The following SPTA1 variants were observed in gnomAD, a reference collection of about 807,000 sequenced individuals.
The protein encoded by SPTA1 is spectrin alpha chain, erythrocytic 1.
In SPTA1, 177 loss-of-function variants were observed where a neutral mutation model predicts 324.7. The observed-to-expected ratio is 0.55, with a 90% CI of 0.48 to 0.62. The LOEUF (loss-of-function observed/expected upper bound fraction) is 0.62. Among genes scored for constraint, SPTA1 ranks in the 20% least tolerant of loss-of-function variants. The probability of loss-of-function intolerance (pLI) is 0.00; values close to 1 mark genes in which losing one functional copy is unlikely to be tolerated. For synonymous variants in SPTA1, 1,195 were observed against 1,041.3 expected, an observed-to-expected ratio of 1.15 and a Z score of -2.84; for missense variants, 3,162 against 2,883.6, an observed-to-expected ratio of 1.10 and a Z score of -2.21.
At chr1:158,678,317 C>G in intron 6 of SPTA1, 84 bp downstream of exon 6, 2 of 1,577,292 alleles carry the variant, frequency 1.3e-6, no homozygotes, top group Non-Finnish European at 1.7e-6. Context: ...TAATTGCTAA[C>G]AGAAGTAGAA....
chr1:158,627,007 C>T lies in SPTA1; in HGVS notation c.5665G>A (p.Val1889Met), dbSNP rs1313016769. 4 of 1,613,678 alleles carry T rather than the reference C, an allele frequency of 2.5e-6. No homozygotes were observed. In the East Asian group the frequency reaches 8.9e-5, roughly 36 times the overall value. Reference sequence around the variant, plus strand: ...TTGTTCTGACTTTCCTCCTGCAACACCTGTGAGAAGGGGAGAGACAAATAT... The same window carrying T: ...TTGTTCTGACTTTCCTCCTGCAACATCTGTGAGAAGGGGAGAGACAAATAT... ...CAQGEDILNKVLQEESQNKEI... is the reference protein window; with the variant it reads ...CAQGEDILNKMLQEESQNKEI... Residue 1889 changes from valine (V) to methionine (M), a missense_variant and splice_region_variant, in exon 41 of 52, where the codon GTG (valine) becomes ATG (methionine). Coordinates refer to ENST00000643759, the MANE Select transcript of SPTA1 (RefSeq NM_003126.4).
In SPTA1 at chr1:158,676,178, C is replaced by T. The variant is rs1214288376; in HGVS notation, c.1075G>A (p.Ala359Thr). Reference protein sequence around the residue: ...VSSWEHIRALATSRYEKLQAT... With the variant: ...VSSWEHIRALTTSRYEKLQAT... ...TGCAGTTTTTCATATCTGCTGGTGGCCAGGGCACGAATATGCTCCCAGCTG... is the reference window on the plus strand; with the variant it reads ...TGCAGTTTTTCATATCTGCTGGTGGTCAGGGCACGAATATGCTCCCAGCTG... The change falls in exon 8 of 52, where the codon GCC (alanine) becomes ACC (threonine). Residue 359 changes from alanine (A) to threonine (T), a missense_variant. Transcript: ENST00000643759. The T allele has an allele frequency of 6.2e-7, 1 of 1,613,644 alleles. No homozygotes were observed. Among genetic ancestry groups the T allele is most frequent in the South Asian group, 1.1e-5 (1 of 91,064 alleles).
At chr1:158,627,602 C>T (rs367856162) in intron 40 of SPTA1, 23 bp downstream of exon 40, 388 of 1,610,446 alleles carry the variant, frequency 2.4e-4, no homozygotes, top group Non-Finnish European at 3.1e-4. Flanking sequence ...GAAGTTTGAG[C>T]TGGAATTCCT....
chr1:158,619,988 G>A (rs971856229), intron 44 of SPTA1, among the ~76,000 whole-genome samples, 182 bp downstream of exon 44: 3 of 152,010 alleles, frequency 2.0e-5, no homozygotes, highest in Non-Finnish European at 4.4e-5. Context: ...CAAATTATGG[G>A]GCATAGGGTA....
chr1:158,611,326 C>A lies in SPTA1; in HGVS notation c.7198G>T (p.Gly2400Cys), dbSNP rs774112593. ...THMQQYMDPR[G>C]RSHLSGYDYV... ...TCATAGCCAGAGAGATGGCTTCGACCCCGTGGGTCCATATATTGCTGCATA... is the reference window on the plus strand; with the variant it reads ...TCATAGCCAGAGAGATGGCTTCGACACCGTGGGTCCATATATTGCTGCATA... The change falls in exon 52 of 52, where the codon GGT becomes TGT. Residue 2400 changes from glycine to cysteine, a missense_variant. Transcript: ENST00000643759. 22 of 1,613,746 alleles carry A rather than the reference C, an allele frequency of 1.4e-5. 1 individual carries two copies. The South Asian group carries it at 2.3e-4, about 17-fold the overall frequency.
chr1:158,658,540 G>T (rs865852297), intron 18 of SPTA1, among the ~76,000 whole-genome samples: 1 of 152,026 alleles, frequency 6.6e-6, no homozygotes, highest in African/African-American at 2.4e-5. Context: ...CATGAGATAG[G>T]GTCCTCAGAA....
rs1484231646 is a variant in SPTA1 at position 158,676,248 on chromosome 1, A to C, written c.1005T>G (p.Pro335=). The change falls in exon 8 of 52, where the codon CCT becomes CCG. Residue 335 remains proline, a synonymous_variant. Transcript: ENST00000643759. ...AKAEKLTLSH[P]SDAPQIQEMK... is the part of the protein sequence containing the mutation. ...TCTCCTGGATCTGAGGTGCATCTGA[A>C]GGATGGGAAAGTGTCAGCTTCTCTG... is the stretch of plus-strand genomic sequence containing the variant. 3 of 1,613,804 alleles carry C rather than the reference A, an allele frequency of 1.9e-6. No homozygotes were observed. The highest frequency in any genetic ancestry group is 2.5e-6 in the Non-Finnish European group (3 of 1,179,790).
At chr1:158,638,673 G>A (rs552910775) in intron 35 of SPTA1, among the ~76,000 whole-genome samples, 4 of 150,662 alleles carry the variant, frequency 2.7e-5, no homozygotes. Flanking sequence ...AAAATTAGCC[G>A]GGCATGCTGG....
chr1:158,611,600 G>GTAAGCTCT, intron 51 of SPTA1: 1 of 501,942 alleles, frequency 2.0e-6, no homozygotes, highest in Non-Finnish European at 3.5e-6. Context: ...GAAAAAGAGA[G>GTAAGCTCT]CTTACTCACT....
rs1475691840 is a variant in SPTA1 at position 158,635,894 on chromosome 1, C to T, written c.5432+19G>A. 1.2e-6 allele frequency: 2 copies of T among 1,614,012 alleles called. No homozygotes were observed. Among genetic ancestry groups the T allele is most frequent in the Admixed American group, 3.3e-5 (2 of 59,982 alleles). On this transcript the variant is annotated intron_variant, in intron 38 of 51. Transcript: ENST00000643759. ...TCCAAAATCCAGGAAGGGAACTGGG[C>T]CTTCTGTATCCCACTCACCGGGCCT...
Position 158,636,748 on chromosome 1 carries a change from G to A in SPTA1, c.5203C>T (p.Arg1735Ter), listed in dbSNP as rs563827586. The stretch of plus-strand genomic sequence containing the variant: ...CTCCCATAGTCCTGGGAGCTCACTC[G>A]TATCAACTTCTCCCTAAAATCAAGG... ...EESWIEEKLIRVSSQDYGRDL... is the reference protein window; with the variant it reads ...EESWIEEKLI Residue 1735 changes from arginine to a stop codon, truncating the protein, a stop_gained, in exon 37 of 52, where the codon CGA becomes TGA. Transcript: ENST00000643759. LOFTEE classifies it high-confidence loss of function. 3.1e-6 allele frequency: 5 copies of A among 1,613,960 alleles called. No individual in the cohort carries two copies. Among genetic ancestry groups the A allele is most frequent in the African/African-American group, 1.3e-5 (1 of 74,904 alleles).
chr1:158,612,459 C>T (rs1232824089), intron 51 of SPTA1: 2 of 322,770 alleles, frequency 6.2e-6, no homozygotes, highest in Non-Finnish European at 1.2e-5. Context: ...CTGTCTTCCC[C>T]ACTACACCTG....
intron 44 of SPTA1, among the ~76,000 whole-genome samples, chr1:158,619,884 A>G (rs1649798968): frequency 6.6e-6 from 1 of 152,214 alleles, no homozygotes; most frequent in Non-Finnish European, 1.5e-5. Flanking sequence ...ATAAAGCCTC[A>G]TGAACTTTTC....
chr1:158,621,682 CT>C (rs1370932393), intron 43 of SPTA1, among the ~76,000 whole-genome samples: 1 of 151,982 alleles, frequency 6.6e-6, no homozygotes, highest in Non-Finnish European at 1.5e-5. Flanking sequence ...AATTTTTCAC[CT>C]AAGATTTATT....
chr1:158,637,571 C>G (rs998084042), intron 36 of SPTA1, among the ~76,000 whole-genome samples: 1 of 151,572 alleles, frequency 6.6e-6, no homozygotes, highest in African/African-American at 2.4e-5. Context: ...TATAGAATGA[C>G]AAGGTTCTGA....
At chr1:158,649,442 G>T (rs1185912392) in intron 25 of SPTA1, among the ~76,000 whole-genome samples, 2 of 152,114 alleles carry the variant, frequency 1.3e-5, no homozygotes, top group African/African-American at 2.4e-5. Context: ...ACCACACTGG[G>T]CTAATTTTTC....
chr1:158,611,817 TG>T (rs59295676), intron 51 of SPTA1: 47,927 of 190,700 alleles, frequency 0.25, 6,363 homozygotes, highest in Middle Eastern at 0.3. Flanking sequence ...GTGGTAGAGC[TG>T]GGACTTGAAC....
chr1:158,627,062 A>C (rs1650326909), intron 40 of SPTA1, 55 bp from the exon 41 acceptor site: 5 of 1,601,298 alleles, frequency 3.1e-6, no homozygotes, highest in Non-Finnish European at 3.4e-6. Context: ...GGAAATGTGA[A>C]TCCATTAGTA....
At position 158,635,994 on chromosome 1, in the gene SPTA1, G is replaced by A. The variant is rs113693504; in HGVS notation, c.5351C>T (p.Ala1784Val). Residue 1784 changes from alanine to valine, a missense_variant, in exon 38 of 52, where the codon GCT (alanine) becomes GTT (valine). Transcript: ENST00000643759. ...DMAEKLKDKA[A>V]VGQEEIQLRL... Reference sequence around the variant, plus strand: ...CAACTGGATCTCCTCTTGCCCCACAGCAGCCTTGTCTTTCAGCTTCTCTGC... The same window carrying A: ...CAACTGGATCTCCTCTTGCCCCACAACAGCCTTGTCTTTCAGCTTCTCTGC... The A allele has an allele frequency of 4.3e-6, 7 of 1,614,022 alleles. No homozygotes were observed. In the African/African-American group the frequency reaches 5.3e-5, roughly 12 times the overall value.
Sources: allele counts gnomAD v4.1 joint callset (sites outside exome capture counted in the v4.1 genomes callset), GRCh38; gene constraint gnomAD v4.1.1; transcripts MANE v1.5; gene names NCBI Gene and HGNC (gene_info 2026-07-23, HGNC 2026-07-21).